The following SCN8A variants were observed in gnomAD, a reference collection of about 807,000 sequenced individuals.
SCN8A encodes sodium voltage-gated channel alpha subunit 8.
Under a neutral mutation model 184.1 loss-of-function variants are expected in SCN8A, and 30 were observed. The ratio of observed to expected loss-of-function variants is 0.16; its 90% CI spans 0.12 to 0.22. The LOEUF (loss-of-function observed/expected upper bound fraction) is 0.22. SCN8A is among the 10% of genes least tolerant of loss of function. The probability of loss-of-function intolerance (pLI) is 1.00; values close to 1 mark genes in which losing one functional copy is unlikely to be tolerated. For synonymous variants in SCN8A, 852 were observed against 907.0 expected, an observed-to-expected ratio of 0.94 and a Z score of 1.09; for missense variants, 1,057 against 2,498.9, an observed-to-expected ratio of 0.42 and a Z score of 12.30.
intron 1 of SCN8A, among the ~76,000 whole-genome samples, chr12:51,637,179 G>C (rs1050467246): frequency 1.3e-5 from 2 of 152,122 alleles, no homozygotes; most frequent in African/African-American, 2.4e-5. Flanking sequence ...TGTGTGTTCT[G>C]ACTGCTCCAC....
At chr12:51,779,219 C>CAAAA (rs35152992) in intron 20 of SCN8A, among the ~76,000 whole-genome samples, 91 of 125,176 alleles carry the variant, frequency 7.3e-4, no homozygotes, top group South Asian at 6.1e-3. Context: ...GACTTTGTCT[C>CAAAA]AAAAAAAAAA....
At chr12:51,744,277 C>G (rs184355947) in intron 12 of SCN8A, among the ~76,000 whole-genome samples, 1 of 152,142 alleles carries the variant, frequency 6.6e-6, no homozygotes, top group Non-Finnish European at 1.5e-5. Flanking sequence ...CATTCCAGCC[C>G]GAGCGACAGA....
Position 51,751,340 on chromosome 12 carries a change from TC to T in SCN8A, c.2132-14del. ...GCTGTGATTGAGGGGCCATCTTTGT[TC>T]TTACTTACTGTAGAACTGGAAGAGT... On this transcript the variant is annotated splice_polypyrimidine_tract_variant and intron_variant, in intron 13 of 26. Coordinates refer to ENST00000627620, the MANE Select transcript of SCN8A (RefSeq NM_001330260.2). 1 of 1,586,656 alleles carries T rather than the reference TC, an allele frequency of 6.3e-7. No homozygotes were observed. The highest frequency in any genetic ancestry group is 1.3e-5 in the African/African-American group (1 of 74,428).
chr12:51,752,122 C>T (rs916825727), intron 14 of SCN8A, among the ~76,000 whole-genome samples: 2 of 151,880 alleles, frequency 1.3e-5, no homozygotes, highest in African/African-American at 4.8e-5. Flanking sequence ...AACTTCTAGG[C>T]CATTAAAGTA....
chr12:51,623,212 AG>A (rs1186222407), intron 1 of SCN8A, among the ~76,000 whole-genome samples: 1 of 152,210 alleles, frequency 6.6e-6, no homozygotes, highest in Non-Finnish European at 1.5e-5. Flanking sequence ...TGCTGCTAGT[AG>A]GCCCTCTCAG....
intron 11 of SCN8A, among the ~76,000 whole-genome samples, chr12:51,715,973 G>GC (rs1396155705): frequency 3.3e-5 from 5 of 152,186 alleles, no homozygotes; most frequent in Non-Finnish European, 7.3e-5. Context: ...CAGTCAATGT[G>GC]CCCTTAAGGA....
intron 1 of SCN8A, among the ~76,000 whole-genome samples, chr12:51,654,189 A>C (rs1940776057): frequency 6.6e-6 from 1 of 152,124 alleles, no homozygotes; most frequent in African/African-American, 2.4e-5. Flanking sequence ...AAAGCTTTTC[A>C]TTTTAATAAA....
At chr12:51,696,963 C>G (rs959505077) in intron 6 of SCN8A, among the ~76,000 whole-genome samples, 1 of 147,606 alleles carries the variant, frequency 6.8e-6, no homozygotes, top group Non-Finnish European at 1.5e-5. Flanking sequence ...CGCTTGAACC[C>G]AGAAGACGGA....
chr12:51,800,111 C>T (rs927247492), intron 26 of SCN8A, among the ~76,000 whole-genome samples: 1 of 152,208 alleles, frequency 6.6e-6, no homozygotes, highest in Non-Finnish European at 1.5e-5. Context: ...GTTTATATAC[C>T]CCTGAGGTAG....
rs1942596299 is a variant in SCN8A at position 51,751,593 on chromosome 12, G to A, written c.2370G>A (p.Leu790=). 1 of 1,601,254 alleles carries A rather than the reference G, an allele frequency of 6.2e-7. No individual in the cohort carries two copies. The highest frequency in any genetic ancestry group is 1.3e-5 in the African/African-American group (1 of 74,656). The change falls in exon 14 of 27, where the codon CTG becomes CTA. Residue 790 remains leucine, a splice_region_variant and synonymous_variant. Transcript: ENST00000627620. ...AACATGTCTTGGCTGTAGGAAATCT[G>A]GTAAGATGGAACACTGTCTCCCGAT... ...QFEHVLAVGN[L]VFTGIFTAEM...
At chr12:51,665,657 C>T (rs1204584780) in intron 2 of SCN8A, among the ~76,000 whole-genome samples, 2 of 152,178 alleles carry the variant, frequency 1.3e-5, no homozygotes, top group Admixed American at 6.5e-5. Flanking sequence ...AAAAAGTCCA[C>T]CTCCATTCTC....
intron 26 of SCN8A, among the ~76,000 whole-genome samples, chr12:51,801,665 C>A (rs1592171503): frequency 6.6e-6 from 1 of 152,198 alleles, no homozygotes; most frequent in African/African-American, 2.4e-5. Flanking sequence ...TCAATAAATT[C>A]AACCTGATCC....
At chr12:51,615,181 A>G (rs1592329764) in intron 1 of SCN8A, among the ~76,000 whole-genome samples, 1 of 151,842 alleles carries the variant, frequency 6.6e-6, no homozygotes, top group East Asian at 1.9e-4. Context: ...ATTTTAGTGT[A>G]GCACTAGGAA....
intron 6 of SCN8A, 44 bp downstream of exon 6, chr12:51,689,140 TTTC>T: frequency 7.2e-7 from 1 of 1,379,394 alleles, no homozygotes; most frequent in Non-Finnish European, 1.0e-6. Flanking sequence ...ACATCTCCTC[TTTC>T]TCCTCCATTC....
chr12:51,754,751 T>C (rs994483868), intron 14 of SCN8A, among the ~76,000 whole-genome samples: 25 of 152,236 alleles, frequency 1.6e-4, no homozygotes, highest in Admixed American at 5.2e-4. Context: ...TCATTTGTTA[T>C]GTAGAATTCC....
At chr12:51,618,458 AACACACACACACACACACACAC>A (rs56163627) in intron 1 of SCN8A, among the ~76,000 whole-genome samples, 2 of 138,942 alleles carry the variant, frequency 1.4e-5, no homozygotes, top group East Asian at 2.1e-4. Flanking sequence ...ATACCAGAGC[AACACACACACACACACACACAC>A]ACACACACAC....
intron 1 of SCN8A, among the ~76,000 whole-genome samples, chr12:51,654,695 G>C (rs1335479502): frequency 6.6e-6 from 1 of 151,902 alleles, no homozygotes; most frequent in Non-Finnish European, 1.5e-5. Flanking sequence ...ATCTTTTGTA[G>C]ATATGGGGTC....
chr12:51,795,533 G>T (rs1938384148), intron 26 of SCN8A, among the ~76,000 whole-genome samples: 1 of 152,198 alleles, frequency 6.6e-6, no homozygotes, highest in South Asian at 2.1e-4. Flanking sequence ...TGGTTATAAG[G>T]TACCAGAAGG....
intron 1 of SCN8A, among the ~76,000 whole-genome samples, chr12:51,647,756 C>T (rs778531132): frequency 2.0e-5 from 3 of 152,170 alleles, no homozygotes; most frequent in African/African-American, 4.8e-5. Context: ...CGTAGCATCT[C>T]GTTGTCATTG....
Sources: allele counts gnomAD v4.1 joint callset (sites outside exome capture counted in the v4.1 genomes callset), GRCh38; gene constraint gnomAD v4.1.1; transcripts MANE v1.5; gene names NCBI Gene and HGNC (gene_info 2026-07-23, HGNC 2026-07-21).